Variants in PPP6R3 observed in about 807,000 individuals in gnomAD.
The protein encoded by PPP6R3 is serine/threonine-protein phosphatase 6 regulatory subunit 3.
A neutral mutation model predicts 110.7 loss-of-function variants in PPP6R3; 38 were observed. The observed-to-expected ratio is 0.34, with a 90% CI of 0.26 to 0.45. PPP6R3 has a LOEUF of 0.45. Among genes scored for constraint, PPP6R3 ranks in the 20% least tolerant of loss-of-function variants. The pLI is 1.00. For synonymous variants in PPP6R3, 369 were observed against 373.5 expected, an observed-to-expected ratio of 0.99 and a Z score of 0.14; for missense variants, 870 against 1,062.4, an observed-to-expected ratio of 0.82 and a Z score of 2.52.
At chr11:68,482,966 G>A (rs1367373026) in intron 1 of PPP6R3, among the ~76,000 whole-genome samples, 6 of 151,984 alleles carry the variant, frequency 3.9e-5, no homozygotes, top group African/African-American at 1.5e-4. Context: ...CATACTAAGG[G>A]TATACTTTAT....
At chr11:68,578,258 C>T (rs554813058) in intron 14 of PPP6R3, among the ~76,000 whole-genome samples, 34 of 152,206 alleles carry the variant, frequency 2.2e-4, no homozygotes, top group Admixed American at 5.2e-4. Flanking sequence ...CAGGAAAATA[C>T]GCAATTGTAA....
chr11:68,547,554 T>C (rs1017998013), intron 4 of PPP6R3, among the ~76,000 whole-genome samples: 23 of 152,318 alleles, frequency 1.5e-4, no homozygotes, highest in African/African-American at 5.5e-4. Context: ...AGTAAATTGG[T>C]GAAGTCAAAA....
chr11:68,575,111 A>G (rs1426381155), intron 13 of PPP6R3, among the ~76,000 whole-genome samples: 1 of 152,190 alleles, frequency 6.6e-6, no homozygotes, highest in Non-Finnish European at 1.5e-5. Context: ...GGGCCATTTC[A>G]CCACACAGTT....
At chr11:68,555,790 A>C (rs78104360) in intron 7 of PPP6R3, among the ~76,000 whole-genome samples, 102 of 152,372 alleles carry the variant, frequency 6.7e-4, no homozygotes, top group African/African-American at 2.4e-3. Context: ...AAATGTGTTC[A>C]AATACATGGA....
At chr11:68,485,940 C>G (rs568705674) in intron 1 of PPP6R3, among the ~76,000 whole-genome samples, 1 of 151,246 alleles carries the variant, frequency 6.6e-6, no homozygotes, top group Non-Finnish European at 1.5e-5. Flanking sequence ...GAGGCCAAGG[C>G]AGACAGATCA....
chr11:68,525,754 A>G (rs1234363540), intron 2 of PPP6R3, among the ~76,000 whole-genome samples: 1 of 152,198 alleles, frequency 6.6e-6, no homozygotes, highest in East Asian at 1.9e-4. Context: ...CCATTTGCCA[A>G]AAGCATCTCA....
chr11:68,492,016 C>T (rs1308107877), intron 1 of PPP6R3, among the ~76,000 whole-genome samples: 1 of 152,172 alleles, frequency 6.6e-6, no homozygotes, highest in Non-Finnish European at 1.5e-5. Flanking sequence ...TGGCAACTGC[C>T]GTTCTACTGT....
At chr11:68,597,299 C>T (rs1285544367) in intron 19 of PPP6R3, among the ~76,000 whole-genome samples, 2 of 152,128 alleles carry the variant, frequency 1.3e-5, no homozygotes, top group African/African-American at 4.8e-5. Flanking sequence ...AGGGATTTGC[C>T]CGTGCGAGAG....
chr11:68,467,776 T>G (rs1043622802), intron 1 of PPP6R3, among the ~76,000 whole-genome samples: 1 of 152,170 alleles, frequency 6.6e-6, no homozygotes, highest in African/African-American at 2.4e-5. Flanking sequence ...ATTTATTTTC[T>G]ATTTATTTAT....
At chr11:68,547,926 A>G (rs1452370028) in intron 4 of PPP6R3, 141 bp from the exon 5 acceptor site, 2 of 823,712 alleles carry the variant, frequency 2.4e-6, no homozygotes, top group Non-Finnish European at 3.5e-6. Context: ...CCAATTTGAT[A>G]CCTTGTTGCT....
At chr11:68,551,220 GA>G (rs35722725) in intron 6 of PPP6R3, 34 bp downstream of exon 6, 377 of 1,367,630 alleles carry the variant, frequency 2.8e-4, no homozygotes, top group Middle Eastern at 5.6e-4. Context: ...AACTTGATTA[GA>G]AAAAAAAAAC....
chr11:68,486,288 C>G (rs2098946659), intron 1 of PPP6R3, among the ~76,000 whole-genome samples: 1 of 151,658 alleles, frequency 6.6e-6, no homozygotes, highest in Non-Finnish European at 1.5e-5. Flanking sequence ...TTATGCTGAC[C>G]TCATAGAATG....
Position 68,469,494 on chromosome 11 carries a change from C to T in PPP6R3, c.-158+8667C>T, listed in dbSNP as rs577882243. Among the ~76,000 whole-genome samples, 12 of 151,968 alleles carry T rather than the reference C, an allele frequency of 7.9e-5. No individual in the cohort carries two copies. The South Asian group carries it at 1.0e-3, about 13-fold the overall frequency. On this transcript the variant is annotated intron_variant, in intron 1 of 23. Transcript: ENST00000393800. ...GCTGAAACGATTCTCTCACCTCAGC[C>T]TCCCGAGTAGCTGGGACTGTAGGCA...
intron 1 of PPP6R3, among the ~76,000 whole-genome samples, chr11:68,501,020 A>T (rs976949479): frequency 6.6e-6 from 1 of 152,158 alleles, no homozygotes; most frequent in African/African-American, 2.4e-5. Flanking sequence ...TCACGCCCTC[A>T]CTGGCAGTTC....
intron 23 of PPP6R3, 74 bp downstream of exon 23, chr11:68,610,097 G>A: frequency 2.6e-6 from 4 of 1,565,256 alleles, no homozygotes; most frequent in South Asian, 2.4e-5. Flanking sequence ...AGTTGGGAGG[G>A]GACTATAGGG....
At chr11:68,482,222 C>CAAAA (rs35130397) in intron 1 of PPP6R3, among the ~76,000 whole-genome samples, 5 of 87,042 alleles carry the variant, frequency 5.7e-5, no homozygotes, top group Admixed American at 1.3e-4. Context: ...CCCATCTCTC[C>CAAAA]AAAAAAAAAA....
rs139115299 is a variant in PPP6R3, at chr11:68,504,253, T to C, written c.-157-15248T>C. 2.6e-3 allele frequency among the ~76,000 whole-genome samples: 402 copies of C among 152,308 alleles called. 4 individuals are homozygous for C. The highest frequency in any genetic ancestry group is 8.4e-3 in the African/African-American group (351 of 41,552). On this transcript the variant is annotated intron_variant, in intron 1 of 23. Coordinates refer to ENST00000393800, the MANE Select transcript of PPP6R3 (RefSeq NM_001164161.2). ...TCTTACTATGCTCTAAGTCAGGTTCTTTGAGAGTTACTTTTTTTCATTAAA... is the reference window on the plus strand; with the variant it reads ...TCTTACTATGCTCTAAGTCAGGTTCCTTGAGAGTTACTTTTTTTCATTAAA...
In PPP6R3 at chr11:68,475,756, G is replaced by A. The variant is rs1289222083; in HGVS notation, c.-158+14929G>A. Reference sequence around the variant, plus strand: ...TCACTTCTCAGACGGGGCGGCTGCCGGGCGGAGGGGCTCCTCACTTCTCAG... The same window carrying A: ...TCACTTCTCAGACGGGGCGGCTGCCAGGCGGAGGGGCTCCTCACTTCTCAG... On this transcript the variant is annotated intron_variant, in intron 1 of 23. Coordinates refer to ENST00000393800, the MANE Select transcript of PPP6R3 (RefSeq NM_001164161.2). Among the ~76,000 whole-genome samples the A allele has an allele frequency of 2.6e-5, 4 of 151,424 alleles. No homozygotes were observed. The East Asian group carries it at 5.9e-4, about 22-fold the overall frequency.
rs11228257 is a variant in PPP6R3 at position 68,486,569 on chromosome 11, A to C, written c.-158+25742A>C. Among the ~76,000 whole-genome samples, 41 of 143,042 alleles carry C rather than the reference A, an allele frequency of 2.9e-4. 1 individual carries two copies. In the East Asian group the frequency reaches 8.0e-3, roughly 28 times the overall value. 93.8% of individuals were successfully genotyped at this position (143,042 alleles called of 152,430 possible). ...GCAGTGAGCTGAGATCACGCCCTGC[A>C]CTCCAGCCTGGGCGACAGAGCAAGA... On this transcript the variant is annotated intron_variant, in intron 1 of 23. Transcript: ENST00000393800.
Sources: allele counts gnomAD v4.1 joint callset (sites outside exome capture counted in the v4.1 genomes callset), GRCh38; gene constraint gnomAD v4.1.1; transcripts MANE v1.5; gene names NCBI Gene and HGNC (gene_info 2026-07-23, HGNC 2026-07-21).